SUGT1: variants seen among roughly 807,000 people sequenced by gnomAD.
SUGT1 encodes the protein protein SGT1 homolog.
In SUGT1, 15 loss-of-function variants were observed where a neutral mutation model predicts 56.1. The ratio of observed to expected loss-of-function variants is 0.27; its 90% CI spans 0.18 to 0.41. SUGT1 has a LOEUF of 0.41. SUGT1 is among the 10% of genes least tolerant of loss of function. The probability of loss-of-function intolerance (pLI) is 1.00; values close to 1 mark genes in which losing one functional copy is unlikely to be tolerated. For synonymous variants in SUGT1, 123 were observed against 128.6 expected (o/e 0.96, Z 0.30); for missense variants, 347 against 382.2 (o/e 0.91, Z 0.77).
chr13:52,667,449 A>C (rs766362232), intron 10 of SUGT1, among the ~76,000 whole-genome samples: 19 of 151,968 alleles, frequency 1.3e-4, no homozygotes, highest in Non-Finnish European at 1.8e-4. Context: ...GATCCAAGTG[A>C]TTCTCCTGCT....
Position 52,698,166 on chromosome 13 carries a change from G to A in SUGT1, c.*10331G>A, listed in dbSNP as rs1963989941. 6.6e-6 allele frequency: 1 copy of A among 152,146 alleles called. No homozygotes were observed. Among genetic ancestry groups the A allele is most frequent in the African/African-American group, 2.4e-5 (1 of 41,426 alleles). 9.4% of individuals were successfully genotyped at this position (152,146 alleles called of 1,614,324 possible). ...AGATCAACAGAGCATGTTTTTATGG[G>A]CCATCTGACAAGACTAGAGGTAGCT... On this transcript the variant is annotated 3_prime_UTR_variant, in exon 13 of 13. Transcript: ENST00000310528.
At chr13:52,653,205 C>T in intron 2 of SUGT1, 102 bp downstream of exon 2, 1 of 1,419,326 alleles carries the variant, frequency 7.0e-7, no homozygotes, top group Non-Finnish European at 9.8e-7. Flanking sequence ...GACAGGGACC[C>T]AGGCTCTTGT....
chr13:52,665,837 C>T, intron 9 of SUGT1, 104 bp downstream of exon 9: 1 of 720,038 alleles, frequency 1.4e-6, no homozygotes, highest in African/African-American at 1.9e-5. Flanking sequence ...CTATTTCTTC[C>T]TGAGATGATT....
rs181138171 is a variant in SUGT1 at position 52,700,217 on chromosome 13, C to T, written c.*12382C>T. On this transcript the variant is annotated 3_prime_UTR_variant, in exon 13 of 13. Transcript: ENST00000310528. ...TTTATTCCTCTGTGATAACATACAC[C>T]CAAATAAAGACTGCTATGTATTTGA... The T allele has an allele frequency of 5.3e-5, 8 of 152,082 alleles. No homozygotes were observed. The highest frequency in any genetic ancestry group is 1.7e-4 in the African/African-American group (7 of 41,486). 9.4% of individuals were successfully genotyped at this position (152,082 alleles called of 1,614,324 possible). A position where few individuals can be genotyped will look rare whatever the true frequency, so the allele number is the denominator to read the frequency against.
At chr13:52,676,953 A>T (rs1252729525) in intron 11 of SUGT1, among the ~76,000 whole-genome samples, 1 of 152,220 alleles carries the variant, frequency 6.6e-6, no homozygotes, top group Non-Finnish European at 1.5e-5. Flanking sequence ...CTAGTGGACA[A>T]ATTCACAGCA....
intron 11 of SUGT1, among the ~76,000 whole-genome samples, chr13:52,679,167 A>G (rs1205365568): frequency 6.6e-6 from 1 of 152,168 alleles, no homozygotes; most frequent in Non-Finnish European, 1.5e-5. Context: ...AGCTGCTCCT[A>G]TAGCTACTAG....
In SUGT1 at chr13:52,687,879, G is replaced by A; in HGVS notation, c.*44G>A. 1 of 1,314,008 alleles carries A rather than the reference G, an allele frequency of 7.6e-7. No homozygotes were observed. The highest frequency in any genetic ancestry group is 1.0e-6 in the Non-Finnish European group (1 of 955,184). The allele number at this position is 1,314,008 out of a possible 1,614,324, so 81.4% of individuals were successfully genotyped here. Reference sequence around the variant, plus strand: ...ATCGTATTGTGTATATTCACCTAATGCCCATTGTGTATTGATATTGCATTC... The same window carrying A: ...ATCGTATTGTGTATATTCACCTAATACCCATTGTGTATTGATATTGCATTC... On this transcript the variant is annotated 3_prime_UTR_variant, in exon 13 of 13. Coordinates refer to ENST00000310528, the MANE Select transcript of SUGT1 (RefSeq NM_006704.5).
intron 9 of SUGT1, among the ~76,000 whole-genome samples, chr13:52,666,297 G>A (rs999430291): frequency 3.3e-5 from 5 of 152,046 alleles, no homozygotes; most frequent in Admixed American, 6.6e-5. Flanking sequence ...GGCTGTTGTC[G>A]AATTCCTGAC....
Position 52,689,292 on chromosome 13 carries a change from C to A in SUGT1, c.*1457C>A, listed in dbSNP as rs1012675764. 1 of 151,870 alleles carries A rather than the reference C, an allele frequency of 6.6e-6. No homozygotes were observed. Among genetic ancestry groups the A allele is most frequent in the East Asian group, 1.9e-4 (1 of 5,194 alleles). The allele number at this position is 151,870 out of a possible 1,614,324, so 9.4% of individuals were successfully genotyped here. ...GAGCTACTAGATACATTTTTTTCTT[C>A]TTGAACACTGAAGGAAAAGGCAAAA... On this transcript the variant is annotated 3_prime_UTR_variant, in exon 13 of 13. Transcript: ENST00000310528.
At chr13:52,683,112 A>G (rs1232876214) in intron 12 of SUGT1, among the ~76,000 whole-genome samples, 1 of 152,016 alleles carries the variant, frequency 6.6e-6, no homozygotes, top group Non-Finnish European at 1.5e-5. Flanking sequence ...TTTTCTTGCT[A>G]TATTTCACTG....
intron 10 of SUGT1, among the ~76,000 whole-genome samples, chr13:52,674,923 G>A (rs1240341424): frequency 6.6e-6 from 1 of 152,180 alleles, no homozygotes; most frequent in South Asian, 2.1e-4. Context: ...AGACTCAGAG[G>A]CCTAGCCTTA....
intron 7 of SUGT1, 24 bp from the exon 8 acceptor site, chr13:52,664,011 T>G: frequency 6.2e-7 from 1 of 1,612,044 alleles, no homozygotes; most frequent in Non-Finnish European, 8.5e-7. Context: ...TCTTTCAACT[T>G]ACCAAAATCA....
At position 52,664,064 on chromosome 13, in the gene SUGT1, GTTTC is replaced by G; in HGVS notation, c.422+11_422+14del. 1 of 1,612,764 alleles carries G rather than the reference GTTTC, an allele frequency of 6.2e-7. No homozygotes were observed. Among genetic ancestry groups the G allele is most frequent in the Non-Finnish European group, 8.5e-7 (1 of 1,179,322 alleles). On this transcript the variant is annotated splice_region_variant and intron_variant, in intron 8 of 12. Transcript: ENST00000310528. ...CTCATCAGTCAAAAATCAAGTGAGT[GTTTC>G]TTTTTCATAAAACAATGCATGATAA...
intron 5 of SUGT1, 89 bp from the exon 6 acceptor site, chr13:52,662,556 ACACT>A: frequency 7.5e-7 from 1 of 1,333,698 alleles, no homozygotes; most frequent in Non-Finnish European, 1.1e-6. Context: ...AGTGCCTAGA[ACACT>A]GCCTGGGATG....
chr13:52,653,491 G>C (rs1209341417), intron 2 of SUGT1, among the ~76,000 whole-genome samples: 3 of 152,008 alleles, frequency 2.0e-5, no homozygotes, highest in African/African-American at 7.3e-5. Context: ...TAAAAGTGTC[G>C]GTATGAAGTC....
chr13:52,659,834 T>A lies in SUGT1; in HGVS notation c.328+585T>A, dbSNP rs1313040989. Among the ~76,000 whole-genome samples the A allele has an allele frequency of 1.1e-3, 79 of 69,416 alleles. 2 individuals are homozygous for A. Among genetic ancestry groups the A allele is most frequent in the South Asian group, 8.6e-3 (16 of 1,858 alleles). The allele number at this position is 69,416 out of a possible 152,430, so 45.5% of individuals were successfully genotyped here. Reference sequence around the variant, plus strand: ...TATATATTTTTTTTTTTTTTTTTTTTTTTTTTTTTTTTGAGACGGAGTCTC... The same window carrying A: ...TATATATTTTTTTTTTTTTTTTTTTATTTTTTTTTTTTGAGACGGAGTCTC... On this transcript the variant is annotated intron_variant, in intron 5 of 12. Coordinates refer to ENST00000310528, the MANE Select transcript of SUGT1 (RefSeq NM_006704.5).
rs545306381 is a variant in SUGT1 at position 52,693,424 on chromosome 13, C to T, written c.*5589C>T. ...AGAAGATCTAAATAATAAACAATTG[C>T]GCATACTATTAATATATATTTAGAG... On this transcript the variant is annotated 3_prime_UTR_variant, in exon 13 of 13. Coordinates refer to ENST00000310528, the MANE Select transcript of SUGT1 (RefSeq NM_006704.5). 22 of 152,148 alleles carry T rather than the reference C, an allele frequency of 1.4e-4. No homozygotes were observed. The highest frequency in any genetic ancestry group is 6.5e-4 in the Admixed American group (10 of 15,272). 9.4% of individuals were successfully genotyped at this position (152,148 alleles called of 1,614,324 possible).
intron 11 of SUGT1, 125 bp from the exon 12 acceptor site, chr13:52,679,849 T>C: frequency 1.2e-6 from 1 of 859,564 alleles, no homozygotes. Flanking sequence ...ACTTATTGCA[T>C]ACCTGAAATT....
intron 12 of SUGT1, among the ~76,000 whole-genome samples, chr13:52,681,252 C>CA (rs530162235): frequency 0.015 from 1,507 of 97,772 alleles, 24 homozygotes; most frequent in African/African-American, 0.044. Flanking sequence ...CCTATCTCTA[C>CA]AAAAAAAAAA....
Sources: gnomAD v4.1 joint callset for allele counts (sites outside exome capture counted in the v4.1 genomes callset) on GRCh38, gnomAD v4.1.1 for gene constraint, MANE v1.5 for transcripts, NCBI Gene and HGNC (gene_info 2026-07-23, HGNC 2026-07-21) for gene names.